Variants in MYT1L observed in about 807,000 individuals in gnomAD.
The protein encoded by MYT1L is myelin transcription factor 1 like.
Under a neutral mutation model 126.7 loss-of-function variants are expected in MYT1L, and 12 were observed. The ratio of observed to expected loss-of-function variants is 0.09; its 90% CI spans 0.06 to 0.15. The LOEUF is 0.15. Ranked by LOEUF, MYT1L falls within the 10% of genes least tolerant of loss-of-function variation. MYT1L has a pLI of 1.00. For missense variants in MYT1L, 979 were observed against 1,585.2 expected (o/e 0.62, Z 6.49); for synonymous variants, 541 against 604.2 (o/e 0.90, Z 1.53).
chr2:1,801,621 G>T lies in MYT1L; in HGVS notation c.3276+75C>A. 1.1e-6 allele frequency: 1 copy of T among 898,822 alleles called. No homozygotes were observed. Among genetic ancestry groups the T allele is most frequent in the Non-Finnish European group, 1.8e-6 (1 of 559,776 alleles). The allele number at this position is 898,822 out of a possible 1,614,324, so 55.7% of individuals were successfully genotyped here. A position where few individuals can be genotyped will look rare whatever the true frequency, so the allele number is the denominator to read the frequency against. On this transcript the variant is annotated intron_variant, in intron 23 of 24. Transcript: ENST00000647738. The surrounding 1 kb of genome is among the most constrained non-coding windows in gnomAD (Gnocchi z 4.2). ...AGAGGAAACGACAGCTCTCCTAAAA[G>T]CTGATTTCATGCCATGTATCTCTGG...
intron 1 of MYT1L, among the ~76,000 whole-genome samples, chr2:2,297,595 C>T (rs532808769): frequency 1.3e-5 from 2 of 152,282 alleles, no homozygotes; most frequent in South Asian, 4.1e-4. Flanking sequence ...ATGCTTCATG[C>T]CTGTCTCCAC....
At chr2:1,916,167 T>G (rs1403994049) in intron 11 of MYT1L, among the ~76,000 whole-genome samples, 2 of 152,226 alleles carry the variant, frequency 1.3e-5, no homozygotes, top group South Asian at 4.1e-4. Context: ...TAATTGCATC[T>G]AAAGATCTTT....
At chr2:2,108,245 G>A (rs1016857608) in intron 3 of MYT1L, among the ~76,000 whole-genome samples, 42 of 152,152 alleles carry the variant, frequency 2.8e-4, no homozygotes, top group African/African-American at 8.9e-4. Flanking sequence ...GCTATGCAAG[G>A]CAGAGGAACA....
chr2:1,976,631 G>C (rs1221376526), intron 8 of MYT1L, among the ~76,000 whole-genome samples: 1 of 152,146 alleles, frequency 6.6e-6, no homozygotes, highest in Non-Finnish European at 1.5e-5. Context: ...AACAGAGTGA[G>C]ACTCCATATC....
rs181952120 is a variant in MYT1L, at chr2:2,053,258, G to A, written c.-158+720C>T. On this transcript the variant is annotated intron_variant, in intron 4 of 24. Transcript: ENST00000647738. ...AATGCTGGGACCCAGAGAGTGTGGG[G>A]GAGGCCTGGGGAGGTAGTGTTTAAC... is the stretch of plus-strand genomic sequence containing the variant. 2.4e-4 allele frequency among the ~76,000 whole-genome samples: 37 copies of A among 152,298 alleles called. 1 individual carries two copies. Among genetic ancestry groups the A allele is most frequent in the Admixed American group, 2.4e-3 (37 of 15,300 alleles).
At chr2:2,108,399 T>C (rs550442766) in intron 3 of MYT1L, among the ~76,000 whole-genome samples, 34 of 152,356 alleles carry the variant, frequency 2.2e-4, no homozygotes, top group African/African-American at 8.2e-4. Flanking sequence ...CCTAACTCTA[T>C]TCTATGGAGG....
At chr2:2,298,788 G>A (rs1005105581) in intron 1 of MYT1L, among the ~76,000 whole-genome samples, 10 of 152,206 alleles carry the variant, frequency 6.6e-5, no homozygotes, top group Admixed American at 2.0e-4. Flanking sequence ...GCTGCCACAC[G>A]TCCCGCAGTG....
chr2:1,839,109 G>T (rs762500228), intron 21 of MYT1L, 40 bp downstream of exon 21: 1 of 1,549,962 alleles, frequency 6.5e-7, no homozygotes, highest in East Asian at 2.4e-5. Context: ...GCTCTCGGCG[G>T]CACCATCCCA....
At chr2:2,234,545 G>A (rs754303630) in intron 2 of MYT1L, among the ~76,000 whole-genome samples, 2 of 152,176 alleles carry the variant, frequency 1.3e-5, no homozygotes, top group Non-Finnish European at 2.9e-5. Flanking sequence ...ACAAAGCAGT[G>A]TGGCGTGGAA....
intron 9 of MYT1L, among the ~76,000 whole-genome samples, chr2:1,930,891 A>G (rs2054872865): frequency 6.6e-6 from 1 of 152,226 alleles, no homozygotes; most frequent in Non-Finnish European, 1.5e-5. Context: ...ATAATTCCCC[A>G]GGATGTTTGT....
At position 2,082,975 on chromosome 2, in the gene MYT1L, G is replaced by A. The variant is rs538858247; in HGVS notation, c.-303-28852C>T. 2.6e-5 allele frequency among the ~76,000 whole-genome samples: 4 copies of A among 152,228 alleles called. No individual in the cohort carries two copies. The East Asian group carries it at 7.8e-4, about 30-fold the overall frequency. The stretch of plus-strand genomic sequence containing the variant: ...TCCCAATCAAGATGCATCTCAAGGG[G>A]CCTGAAAGGAGTGGAAGGGATACTG... On this transcript the variant is annotated intron_variant, in intron 3 of 24. Transcript: ENST00000647738.
intron 2 of MYT1L, among the ~76,000 whole-genome samples, chr2:2,177,130 G>A (rs2090896249): frequency 6.6e-6 from 1 of 152,216 alleles, no homozygotes; most frequent in Non-Finnish European, 1.5e-5. Flanking sequence ...GTCGTCAACA[G>A]GACTGTCACA....
intron 3 of MYT1L, among the ~76,000 whole-genome samples, chr2:2,116,855 C>T (rs1001240565): frequency 2.0e-5 from 3 of 152,194 alleles, no homozygotes; most frequent in Non-Finnish European, 2.9e-5. Flanking sequence ...CTTCAAGGCC[C>T]GGGGGCCAGA....
chr2:2,083,418 G>C (rs1262632966), intron 3 of MYT1L, among the ~76,000 whole-genome samples: 1 of 152,316 alleles, frequency 6.6e-6, no homozygotes, highest in East Asian at 1.9e-4. Context: ...TGTCACAGCT[G>C]TCTTCACCTT....
chr2:2,271,571 G>T (rs574118945), intron 2 of MYT1L, among the ~76,000 whole-genome samples: 11 of 152,310 alleles, frequency 7.2e-5, no homozygotes, highest in African/African-American at 2.4e-4. Flanking sequence ...GGTGGTTCTG[G>T]GAGTCAGCTG....
chr2:1,858,788 T>C (rs930807378), intron 18 of MYT1L, among the ~76,000 whole-genome samples: 1 of 152,256 alleles, frequency 6.6e-6, no homozygotes, highest in Non-Finnish European at 1.5e-5. Context: ...TTTTGCACTT[T>C]CTCCCACGCT....
intron 3 of MYT1L, among the ~76,000 whole-genome samples, chr2:2,137,992 A>T (rs1026086967): frequency 6.6e-6 from 1 of 152,188 alleles, no homozygotes; most frequent in Non-Finnish European, 1.5e-5. Context: ...CAAATTTACA[A>T]GAAAAAAACA....
intron 2 of MYT1L, among the ~76,000 whole-genome samples, chr2:2,280,056 A>G (rs1448152853): frequency 6.6e-6 from 1 of 152,268 alleles, no homozygotes. Flanking sequence ...GAGGAAATAA[A>G]GAAATAAACT....
chr2:1,823,194 T>C (rs1486195588), intron 21 of MYT1L, among the ~76,000 whole-genome samples: 2 of 152,180 alleles, frequency 1.3e-5, no homozygotes, highest in Non-Finnish European at 2.9e-5. Flanking sequence ...CTGTGGCAGC[T>C]TGGCCTCCCC....
Sources: allele counts gnomAD v4.1 joint callset (sites outside exome capture counted in the v4.1 genomes callset), GRCh38; gene constraint gnomAD v4.1.1; non-coding constraint Gnocchi (gnomAD v3.1); transcripts MANE v1.5; gene names NCBI Gene and HGNC (gene_info 2026-07-23, HGNC 2026-07-21).